ATP8A2: variants seen among roughly 807,000 people sequenced by gnomAD.
ATP8A2 encodes the protein phospholipid-transporting ATPase IB.
ATP8A2 carries 100 observed loss-of-function variants against 165.6 expected under a neutral mutation model. That is an observed-to-expected ratio of 0.60 (90% confidence interval 0.51 to 0.71). The LOEUF (loss-of-function observed/expected upper bound fraction) is 0.71, where lower values mean the gene tolerates loss of function less well. ATP8A2 is among the 30% of genes least tolerant of loss of function. ATP8A2 has a pLI of 0.00. For synonymous variants in ATP8A2, 543 were observed against 548.8 expected (o/e 0.99, Z 0.15); for missense variants, 1,227 against 1,479.5 (o/e 0.83, Z 2.80).
At chr13:25,718,982 G>C (rs537803060) in intron 25 of ATP8A2, among the ~76,000 whole-genome samples, 1 of 152,124 alleles carries the variant, frequency 6.6e-6, no homozygotes, top group African/African-American at 2.4e-5. Context: ...GGCATTTTCT[G>C]CATGTTTCGG....
intron 1 of ATP8A2, among the ~76,000 whole-genome samples, chr13:25,392,827 G>GGTA (rs1365186296): frequency 6.6e-6 from 1 of 151,874 alleles, no homozygotes; most frequent in Non-Finnish European, 1.5e-5. Flanking sequence ...TGTAGTTCCA[G>GGTA]TGACTTGGGA....
At chr13:26,018,345 G>T (rs185604008) in intron 36 of ATP8A2, among the ~76,000 whole-genome samples, 2 of 152,178 alleles carry the variant, frequency 1.3e-5, no homozygotes, top group Non-Finnish European at 2.9e-5. Flanking sequence ...GGACTCTTCT[G>T]TCTTGTTACT....
At chr13:25,519,140 C>G (rs763690938) in intron 2 of ATP8A2, among the ~76,000 whole-genome samples, 2 of 152,188 alleles carry the variant, frequency 1.3e-5, no homozygotes, top group African/African-American at 4.8e-5. Flanking sequence ...TTTCTGCACT[C>G]GCTGTCCCCT....
chr13:25,387,217 C>T lies in ATP8A2; in HGVS notation c.76+14929C>T, dbSNP rs2137953448. On this transcript the variant is annotated intron_variant, in intron 1 of 36. Coordinates refer to ENST00000381655, the MANE Select transcript of ATP8A2 (RefSeq NM_016529.6). ...AGGGCAGCGGTGAGCAGCCATGAGC[C>T]TCAAGCTGGATGCTTTAGCAGGAGT... is the stretch of plus-strand genomic sequence containing the variant. Among the ~76,000 whole-genome samples, 2 of 152,276 alleles carry T rather than the reference C, an allele frequency of 1.3e-5. 1 individual carries two copies.
At chr13:25,645,568 C>A (rs1198574510) in intron 24 of ATP8A2, among the ~76,000 whole-genome samples, 1 of 152,172 alleles carries the variant, frequency 6.6e-6, no homozygotes, top group East Asian at 1.9e-4. Context: ...AAACTTTCCT[C>A]TTGCAACTGT....
chr13:25,532,461 C>T, intron 5 of ATP8A2, 144 bp downstream of exon 5: 3 of 595,620 alleles, frequency 5.0e-6, no homozygotes, highest in Non-Finnish European at 5.8e-6. Context: ...AAATAACAAA[C>T]AAACTGAACA....
intron 33 of ATP8A2, among the ~76,000 whole-genome samples, chr13:25,914,878 G>A (rs867308320): frequency 4.6e-5 from 7 of 152,152 alleles, no homozygotes; most frequent in Admixed American, 2.0e-4. Flanking sequence ...TTCACATGCC[G>A]TGCATCCCTC....
At position 25,745,190 on chromosome 13, in the gene ATP8A2, G is replaced by A. The variant is rs185254304; in HGVS notation, c.2385-23856G>A. ...ACTCCTGACCTCAAGTGATCCACCCGCCTCGGCCTCCCAAAGTGCTGGGAT... is the reference window on the plus strand; with the variant it reads ...ACTCCTGACCTCAAGTGATCCACCCACCTCGGCCTCCCAAAGTGCTGGGAT... On this transcript the variant is annotated intron_variant, in intron 25 of 36. Coordinates refer to ENST00000381655, the MANE Select transcript of ATP8A2 (RefSeq NM_016529.6). 7.3e-3 allele frequency among the ~76,000 whole-genome samples: 1,106 copies of A among 152,182 alleles called. 18 individuals are homozygous for A. Among genetic ancestry groups the A allele is most frequent in the African/African-American group, 0.02 (830 of 41,536 alleles).
At chr13:25,897,355 T>C (rs1305723584) in intron 33 of ATP8A2, among the ~76,000 whole-genome samples, 1 of 152,232 alleles carries the variant, frequency 6.6e-6, no homozygotes, top group Non-Finnish European at 1.5e-5. Context: ...ATGTTGAATA[T>C]TGGCCCCCAC....
intron 36 of ATP8A2, 90 bp downstream of exon 36, chr13:26,012,712 G>T (rs1423786119): frequency 4.7e-6 from 2 of 421,348 alleles, no homozygotes; most frequent in Non-Finnish European, 7.2e-6. Flanking sequence ...CGCTGATGGG[G>T]GGCCGGGTGA....
chr13:25,872,900 CTT>C (rs1012722471), intron 33 of ATP8A2, among the ~76,000 whole-genome samples: 3 of 144,866 alleles, frequency 2.1e-5, no homozygotes, highest in Non-Finnish European at 1.5e-5. Context: ...GTTTGTGTTC[CTT>C]TTTTTTTTTG....
At chr13:25,525,990 C>G in intron 2 of ATP8A2, among the ~76,000 whole-genome samples, 1 of 151,762 alleles carries the variant, frequency 6.6e-6, no homozygotes, top group South Asian at 2.1e-4. Flanking sequence ...AATCTTTGTT[C>G]CTTTTTATTC....
intron 1 of ATP8A2, among the ~76,000 whole-genome samples, chr13:25,423,524 T>C (rs1029069394): frequency 1.2e-4 from 18 of 152,320 alleles, no homozygotes; most frequent in African/African-American, 3.8e-4. Flanking sequence ...TACACTTCCA[T>C]GTGATTTTTT....
chr13:25,744,615 A>G (rs1386310753), intron 25 of ATP8A2, among the ~76,000 whole-genome samples: 1 of 152,250 alleles, frequency 6.6e-6, no homozygotes, highest in Non-Finnish European at 1.5e-5. Flanking sequence ...ATTGGGAGCA[A>G]CAAGATGGTG....
At chr13:26,008,022 C>G (rs767180110) in intron 35 of ATP8A2, among the ~76,000 whole-genome samples, 1 of 152,106 alleles carries the variant, frequency 6.6e-6, no homozygotes, top group Non-Finnish European at 1.5e-5. Flanking sequence ...GAAGCCCATG[C>G]TTATATGAGA....
At chr13:25,651,045 GT>G (rs1452617182) in intron 24 of ATP8A2, among the ~76,000 whole-genome samples, 1 of 152,046 alleles carries the variant, frequency 6.6e-6, no homozygotes, top group African/African-American at 2.4e-5. Flanking sequence ...CTTTGACTTA[GT>G]TTATGTAAAG....
Position 25,897,628 on chromosome 13 carries a change from G to T in ATP8A2, c.3183+35220G>T, listed in dbSNP as rs574671961. Among the ~76,000 whole-genome samples the T allele has an allele frequency of 4.0e-3, 615 of 152,300 alleles. 2 individuals carry two copies. Among genetic ancestry groups the T allele is most frequent in the African/African-American group, 0.014 (587 of 41,548 alleles). On this transcript the variant is annotated intron_variant, in intron 33 of 36. Transcript: ENST00000381655. ...TCTCCTGGATAATATCCTGCAGAGT[G>T]TTTTCCAACTTAGTTCCATTCTCCC...
At chr13:25,444,019 C>A (rs532426480) in intron 1 of ATP8A2, among the ~76,000 whole-genome samples, 1 of 152,126 alleles carries the variant, frequency 6.6e-6, no homozygotes, top group South Asian at 2.1e-4. Context: ...TGACTAACAC[C>A]CAAATAAAAA....
chr13:25,388,087 A>C (rs930178833), intron 1 of ATP8A2, among the ~76,000 whole-genome samples: 10 of 151,408 alleles, frequency 6.6e-5, no homozygotes, highest in African/African-American at 2.4e-4. Flanking sequence ...TCTCTTTACT[A>C]GTGTTTTCAG....
Sources: allele counts gnomAD v4.1 joint callset (sites outside exome capture counted in the v4.1 genomes callset), GRCh38; gene constraint gnomAD v4.1.1; transcripts MANE v1.5; gene names NCBI Gene and HGNC (gene_info 2026-07-23, HGNC 2026-07-21).